E2F8: variants seen among roughly 807,000 people sequenced by gnomAD.
E2F8 encodes transcription factor E2F8.
Under a neutral mutation model 80.8 loss-of-function variants are expected in E2F8, and 35 were observed. That is an observed-to-expected ratio of 0.43 (90% CI 0.33 to 0.57). The LOEUF (loss-of-function observed/expected upper bound fraction) is 0.57, where lower values mean the gene tolerates loss of function less well. E2F8 is among the 20% of genes least tolerant of loss of function. The pLI is 0.04. For synonymous variants in E2F8, 386 were observed against 395.0 expected, an observed-to-expected ratio of 0.98 and a Z score of 0.27; for missense variants, 975 against 1,056.2, an observed-to-expected ratio of 0.92 and a Z score of 1.07.
chr11:19,232,906 A>G (rs1161685321), intron 6 of E2F8, among the ~76,000 whole-genome samples: 2 of 152,188 alleles, frequency 1.3e-5, no homozygotes, highest in Non-Finnish European at 2.9e-5. Flanking sequence ...CAAACCTCAC[A>G]TATCTTAAAG....
rs1851310162 is a variant in E2F8, at chr11:19,229,344, GT to G, written c.1893+109del. 1 of 1,435,396 alleles carries G rather than the reference GT, an allele frequency of 7.0e-7. No homozygotes were observed. The highest frequency in any genetic ancestry group is 2.2e-5 in the Admixed American group (1 of 44,556). 88.9% of individuals were successfully genotyped at this position (1,435,396 alleles called of 1,614,324 possible). A position where few individuals can be genotyped will look rare whatever the true frequency, so the allele number is the denominator to read the frequency against. ...TTGGATTATGGGATGCTAAGGAACA[GT>G]TCCTTGTCTTCTGAGAGAATGCTCT... On this transcript the variant is annotated intron_variant, in intron 10 of 12. Coordinates refer to ENST00000250024, the MANE Select transcript of E2F8 (RefSeq NM_024680.4). This position sits in a 1 kb window ranked among gnomAD's most constrained non-coding sequence, Gnocchi z 4.3.
rs756421119 is a variant in E2F8 at position 19,234,779 on chromosome 11, C to T, written c.731G>A (p.Cys244Tyr). ...NTGPNGHPDM[C>Y]FVELPGVEFR... is the part of the protein sequence containing the mutation. ...TTCCACTCCAGGGAGTTCCACAAAA[C>T]ACATGTCTGGGTGTCCATTTGGGCC... Residue 244 changes from cysteine (C) to tyrosine (Y), a missense_variant, in exon 5 of 13, where the codon TGT becomes TAT. Physicochemically the swap from Cys to Tyr is radical, Grantham distance 194. Transcript: ENST00000250024. 1.2e-6 allele frequency: 2 copies of T among 1,613,714 alleles called. No individual in the cohort carries two copies. The highest frequency in any genetic ancestry group is 1.7e-5 in the Admixed American group (1 of 59,996).
In E2F8 at chr11:19,229,679, T is replaced by A. The variant is rs1161335528; in HGVS notation, c.1668A>T (p.Lys556Asn). 6.2e-7 allele frequency: 1 copy of A among 1,614,068 alleles called. No individual in the cohort carries two copies. Among genetic ancestry groups the A allele is most frequent in the Non-Finnish European group, 8.5e-7 (1 of 1,180,052 alleles). The change falls in exon 10 of 13, where the codon AAA (lysine) becomes AAT (asparagine). Residue 556 changes from lysine to asparagine, a missense_variant. Transcript: ENST00000250024. The surrounding 1 kb of genome is among the most constrained non-coding windows in gnomAD (Gnocchi z 4.3). ...TCTCAGTGGTGGCATCTGTGGAGTC[T>A]TTTGAGCCAGTAGCTTTAGAAGAGT... ...TTHSSKATGS[K>N]DSTDATTEKA...
At chr11:19,226,135 G>A (rs746496290) in intron 10 of E2F8, 21 of 422,354 alleles carry the variant, frequency 5.0e-5, no homozygotes, top group Non-Finnish European at 8.1e-5. Flanking sequence ...ACCCTGCTTA[G>A]GGGTAAGGAT....
intron 4 of E2F8, 60 bp from the exon 5 acceptor site, chr11:19,235,118 CT>C: frequency 7.0e-7 from 1 of 1,437,406 alleles, no homozygotes. Flanking sequence ...AATTGAATAG[CT>C]TTTTCTTCCA....
At position 19,237,358 on chromosome 11, in the gene E2F8, G is replaced by C; in HGVS notation, c.407C>G (p.Ala136Gly). Residue 136 changes from alanine (A) to glycine (G), a missense_variant, in exon 4 of 13, where the codon GCT becomes GGT. Ala to Gly is a moderately conservative substitution (Grantham distance 60, BLOSUM62 0). Coordinates refer to ENST00000250024, the MANE Select transcript of E2F8 (RefSeq NM_024680.4). ...LARYPNYPNPAVNNDICLDEV... is the reference protein window; with the variant it reads ...LARYPNYPNPGVNNDICLDEV... ...GTCAAGGCAGATGTCATTATTCACA[G>C]CAGGGTTGGGATAATTAGGATATCG... The C allele has an allele frequency of 6.2e-7, 1 of 1,614,148 alleles. No individual in the cohort carries two copies. Among genetic ancestry groups the C allele is most frequent in the Non-Finnish European group, 8.5e-7 (1 of 1,179,980 alleles).
chr11:19,224,850 AAG>A lies in E2F8; in HGVS notation c.2422-12_2422-11del. 6.2e-7 allele frequency: 1 copy of A among 1,614,036 alleles called. No individual in the cohort carries two copies. Among genetic ancestry groups the A allele is most frequent in the Non-Finnish European group, 8.5e-7 (1 of 1,179,982 alleles). On this transcript the variant is annotated splice_polypyrimidine_tract_variant and intron_variant, in intron 12 of 12. Transcript: ENST00000250024. ...GTGTCACAGGAACAGGCTGATTGGA[AAG>A]AGAAGAATGGACAAAAGAAGTCAAC...
chr11:19,225,088 T>C (rs916601098), intron 12 of E2F8, 133 bp downstream of exon 12: 29 of 1,331,312 alleles, frequency 2.2e-5, no homozygotes, highest in African/African-American at 1.8e-4. Context: ...GGAAGAAACA[T>C]AGGCCTTCAA....
chr11:19,233,570 C>G (rs1265522906), intron 6 of E2F8, among the ~76,000 whole-genome samples: 1 of 152,114 alleles, frequency 6.6e-6, no homozygotes, highest in East Asian at 2.0e-4. Context: ...TCACTGCAAG[C>G]GCCGCCTCCC....
chr11:19,236,941 C>A (rs571617514), intron 4 of E2F8, among the ~76,000 whole-genome samples: 1 of 152,212 alleles, frequency 6.6e-6, no homozygotes, highest in Non-Finnish European at 1.5e-5. Context: ...TGATCCTCAG[C>A]GTCAACTAGG....
chr11:19,231,356 G>T (rs1851376068), intron 7 of E2F8, among the ~76,000 whole-genome samples: 1 of 152,166 alleles, frequency 6.6e-6, no homozygotes, highest in African/African-American at 2.4e-5. Flanking sequence ...TGCACGAAAG[G>T]ACCTCTCTCT....
chr11:19,240,140 AT>A lies in E2F8; in HGVS notation c.-20del. 6.7e-7 allele frequency: 1 copy of A among 1,492,426 alleles called. No individual in the cohort carries two copies. Among genetic ancestry groups the A allele is most frequent in the East Asian group, 2.5e-5 (1 of 39,304 alleles). 92.4% of individuals were successfully genotyped at this position (1,492,426 alleles called of 1,614,324 possible). The stretch of plus-strand genomic sequence containing the variant: ...TCTCCATTCTGTAAATTCCTCATAC[AT>A]TTAGAGTTTAAAAATGAAAAATCTG... On this transcript the variant is annotated 5_prime_UTR_variant, in exon 2 of 13. The change creates a new upstream start codon in the 5' untranslated region. Transcript: ENST00000250024.
At chr11:19,230,214 T>A (rs766946491) in intron 9 of E2F8, 27 bp downstream of exon 9, 96 of 1,600,644 alleles carry the variant, frequency 6.0e-5, no homozygotes, top group Non-Finnish European at 7.8e-5. Flanking sequence ...TAATTCATCC[T>A]GTTATTAAAG....
intron 11 of E2F8, 57 bp from the exon 12 acceptor site, chr11:19,225,672 A>G (rs1851217805): frequency 6.2e-7 from 1 of 1,609,898 alleles, no homozygotes; most frequent in Non-Finnish European, 8.5e-7. Flanking sequence ...CAAGAAGTTG[A>G]CAAGGCTTAA....
rs1190819966 is a variant in E2F8 at position 19,229,640 on chromosome 11, A to G, written c.1707T>C (p.Asp569=). ...TDATTEKAAN[D]TSKASASTRP... is the part of the protein sequence containing the mutation. Reference sequence around the variant, plus strand: ...TGGTAGAGGCACTGGCCTTTGAGGTATCATTGGCTGCCTTCTCAGTGGTGG... The same window carrying G: ...TGGTAGAGGCACTGGCCTTTGAGGTGTCATTGGCTGCCTTCTCAGTGGTGG... Residue 569 remains aspartate, a synonymous_variant, in exon 10 of 13, where the codon GAT becomes GAC. Coordinates refer to ENST00000250024, the MANE Select transcript of E2F8 (RefSeq NM_024680.4). The surrounding 1 kb of genome is among the most constrained non-coding windows in gnomAD (Gnocchi z 4.3). The G allele has an allele frequency of 6.2e-7, 1 of 1,614,026 alleles. No homozygotes were observed. The highest frequency in any genetic ancestry group is 1.7e-5 in the Admixed American group (1 of 60,016).
rs60143450 is a variant in E2F8, at chr11:19,237,729, G to A, written c.294+125C>T. ...GGGGTCCAAACCTTTCTGGTGCTCC[G>A]AAGGAAGTTAATAACAGCCTTCGGG... is the stretch of plus-strand genomic sequence containing the variant. On this transcript the variant is annotated intron_variant, in intron 3 of 12. Coordinates refer to ENST00000250024, the MANE Select transcript of E2F8 (RefSeq NM_024680.4). 6.8e-3 allele frequency: 8,950 copies of A among 1,308,702 alleles called. 467 individuals carry two copies. The African/African-American group carries it at 0.12, about 17-fold the overall frequency. The allele number at this position is 1,308,702 out of a possible 1,614,324, so 81.1% of individuals were successfully genotyped here. A position where few individuals can be genotyped will look rare whatever the true frequency, so the allele number is the denominator to read the frequency against.
In E2F8 at chr11:19,229,379, T is replaced by C; in HGVS notation, c.1893+75A>G. The C allele has an allele frequency of 6.6e-7, 1 of 1,522,678 alleles. No homozygotes were observed. The highest frequency in any genetic ancestry group is 8.8e-7 in the Non-Finnish European group (1 of 1,136,568). The allele number at this position is 1,522,678 out of a possible 1,614,324, so 94.3% of individuals were successfully genotyped here. On this transcript the variant is annotated intron_variant, in intron 10 of 12. Coordinates refer to ENST00000250024, the MANE Select transcript of E2F8 (RefSeq NM_024680.4). The surrounding 1 kb of genome is among the most constrained non-coding windows in gnomAD (Gnocchi z 4.3). Reference sequence around the variant, plus strand: ...TTCTGAGAGAATGCTCTTCGGTAAATTTCACAAGCCACCAATCTTCCTGTA... The same window carrying C: ...TTCTGAGAGAATGCTCTTCGGTAAACTTCACAAGCCACCAATCTTCCTGTA...
chr11:19,236,773 G>A (rs1474298987), intron 4 of E2F8, among the ~76,000 whole-genome samples: 1 of 152,014 alleles, frequency 6.6e-6, no homozygotes, highest in African/African-American at 2.4e-5. Flanking sequence ...AATTCACCAC[G>A]GGCCCCTTTT....
At chr11:19,237,550 T>G in intron 3 of E2F8, 80 bp from the exon 4 acceptor site, 5 of 1,433,256 alleles carry the variant, frequency 3.5e-6, no homozygotes, top group Non-Finnish European at 4.8e-6. Flanking sequence ...GCTCGATGAC[T>G]GACACCAACT....
Sources: gnomAD v4.1 joint callset for allele counts (sites outside exome capture counted in the v4.1 genomes callset) on GRCh38, gnomAD v4.1.1 for gene constraint, Gnocchi (gnomAD v3.1) non-coding constraint, MANE v1.5 for transcripts, NCBI Gene and HGNC (gene_info 2026-07-23, HGNC 2026-07-21) for gene names.